The following MDGA2 variants were observed in gnomAD, a reference collection of about 807,000 sequenced individuals.
The protein encoded by MDGA2 is MAM domain-containing glycosylphosphatidylinositol anchor protein 2.
In MDGA2, 40 loss-of-function variants were observed where a neutral mutation model predicts 117.8. The ratio of observed to expected loss-of-function variants is 0.34; its 90% CI spans 0.26 to 0.44. The LOEUF (loss-of-function observed/expected upper bound fraction) is 0.44, where lower values mean the gene tolerates loss of function less well. Among genes scored for constraint, MDGA2 ranks in the 20% least tolerant of loss-of-function variants. The pLI is 1.00. For missense variants in MDGA2, 1,123 were observed against 1,250.6 expected, an observed-to-expected ratio of 0.90 and a Z score of 1.54; for synonymous variants, 452 against 439.0, an observed-to-expected ratio of 1.03 and a Z score of -0.37.
intron 10 of MDGA2, among the ~76,000 whole-genome samples, chr14:46,892,975 AC>A (rs1882939204): frequency 6.6e-6 from 1 of 151,956 alleles, no homozygotes; most frequent in Admixed American, 6.6e-5. Context: ...ACATCGAACT[AC>A]CATATGACCC....
At chr14:47,409,383 G>A (rs1234090978) in intron 1 of MDGA2, among the ~76,000 whole-genome samples, 2 of 152,118 alleles carry the variant, frequency 1.3e-5, no homozygotes, top group African/African-American at 4.8e-5. Context: ...TCTTTTCCTA[G>A]GTAGCCACCA....
At chr14:47,425,756 CAT>C (rs1322056391) in intron 1 of MDGA2, among the ~76,000 whole-genome samples, 1 of 152,008 alleles carries the variant, frequency 6.6e-6, no homozygotes, top group East Asian at 1.9e-4. Context: ...TATATTTTGA[CAT>C]GTTAGACTTT....
At chr14:46,859,857 CTTAT>C (rs1449874649) in intron 14 of MDGA2, among the ~76,000 whole-genome samples, 1 of 151,944 alleles carries the variant, frequency 6.6e-6, no homozygotes, top group Non-Finnish European at 1.5e-5. Context: ...AGTATATAAA[CTTAT>C]TTATATGAAT....
intron 10 of MDGA2, among the ~76,000 whole-genome samples, chr14:46,900,011 T>C (rs967596653): frequency 6.6e-6 from 1 of 152,006 alleles, no homozygotes; most frequent in Non-Finnish European, 1.5e-5. Flanking sequence ...GAAAATACAA[T>C]GGTACAATTT....
At chr14:47,480,416 T>C (rs1432297189) in intron 1 of MDGA2, among the ~76,000 whole-genome samples, 1 of 151,992 alleles carries the variant, frequency 6.6e-6, no homozygotes, top group Non-Finnish European at 1.5e-5. Context: ...CTTAACGATT[T>C]ATCTACAATA....
chr14:47,200,049 G>C (rs769835371), intron 3 of MDGA2, among the ~76,000 whole-genome samples: 22 of 151,914 alleles, frequency 1.4e-4, no homozygotes, highest in Non-Finnish European at 2.9e-4. Flanking sequence ...AACAAAAAGA[G>C]AGCTGTTAAT....
At chr14:47,372,921 G>T (rs1891396266) in intron 1 of MDGA2, among the ~76,000 whole-genome samples, 1 of 151,692 alleles carries the variant, frequency 6.6e-6, no homozygotes, top group South Asian at 2.1e-4. Flanking sequence ...ATCTCTTTTG[G>T]CCTAGAGGAA....
At chr14:47,612,474 AT>A (rs1896869850) in intron 1 of MDGA2, among the ~76,000 whole-genome samples, 1 of 152,172 alleles carries the variant, frequency 6.6e-6, no homozygotes, top group Admixed American at 6.5e-5. Context: ...CTTGAGTCAT[AT>A]AACTTTCTTA....
chr14:47,492,492 A>C (rs1894191693), intron 1 of MDGA2, among the ~76,000 whole-genome samples: 1 of 152,126 alleles, frequency 6.6e-6, no homozygotes, highest in African/African-American at 2.4e-5. Flanking sequence ...ATACATATAG[A>C]TATACATATA....
intron 8 of MDGA2, among the ~76,000 whole-genome samples, chr14:46,985,864 G>C (rs1281308358): frequency 6.6e-6 from 1 of 152,008 alleles, no homozygotes; most frequent in Non-Finnish European, 1.5e-5. Flanking sequence ...TTTTCTTCCT[G>C]CATTAATAAT....
intron 1 of MDGA2, among the ~76,000 whole-genome samples, chr14:47,509,765 A>G (rs760481288): frequency 1.3e-5 from 2 of 152,180 alleles, no homozygotes; most frequent in African/African-American, 2.4e-5. Flanking sequence ...TTGGACAGGA[A>G]ATGTCTATCT....
Position 47,448,426 on chromosome 14 carries a change from T to C in MDGA2, c.281-146876A>G, listed in dbSNP as rs561197754. 4.4e-4 allele frequency among the ~76,000 whole-genome samples: 67 copies of C among 152,126 alleles called. No individual in the cohort carries two copies. In the South Asian group the frequency reaches 4.8e-3, roughly 11 times the overall value. On this transcript the variant is annotated intron_variant, in intron 1 of 16. Coordinates refer to ENST00000399232, the MANE Select transcript of MDGA2 (RefSeq NM_001113498.3). Reference sequence around the variant, plus strand: ...AAGTGCTGGGATTACAGGCGTGAGATACTGTGCCCAGCCCGAAGTCTACTT... The same window carrying C: ...AAGTGCTGGGATTACAGGCGTGAGACACTGTGCCCAGCCCGAAGTCTACTT...
intron 14 of MDGA2, among the ~76,000 whole-genome samples, chr14:46,869,370 G>C (rs1296121056): frequency 4.9e-5 from 3 of 60,626 alleles, no homozygotes; most frequent in South Asian, 4.9e-4. Context: ...TTTTTTTTTT[G>C]CAAGAACATT....
At chr14:47,435,837 T>G (rs1017431561) in intron 1 of MDGA2, among the ~76,000 whole-genome samples, 4 of 152,120 alleles carry the variant, frequency 2.6e-5, no homozygotes, top group Non-Finnish European at 4.4e-5. Flanking sequence ...GCTTCTGGGC[T>G]CAGCTCTCTC....
At chr14:47,596,942 A>G (rs570331420) in intron 1 of MDGA2, among the ~76,000 whole-genome samples, 1 of 152,136 alleles carries the variant, frequency 6.6e-6, no homozygotes, top group Admixed American at 6.6e-5. Context: ...AGATAAGCCC[A>G]TTCTGTAAGA....
intron 8 of MDGA2, among the ~76,000 whole-genome samples, chr14:46,964,982 G>A (rs142657238): frequency 0.039 from 5,193 of 131,784 alleles, 296 homozygotes; most frequent in South Asian, 0.1. Context: ...GGAGTGCAGT[G>A]GCACGATCTC....
chr14:47,624,465 TAAAC>T (rs1246156497), intron 1 of MDGA2, among the ~76,000 whole-genome samples: 6 of 152,014 alleles, frequency 3.9e-5, no homozygotes, highest in African/African-American at 7.2e-5. Flanking sequence ...CTCAAATAAG[TAAAC>T]AAACAAACAA....
intron 2 of MDGA2, among the ~76,000 whole-genome samples, chr14:47,264,338 T>A (rs1887894912): frequency 6.6e-6 from 1 of 152,152 alleles, no homozygotes; most frequent in Non-Finnish European, 1.5e-5. Flanking sequence ...AATTCATAAT[T>A]ATTTGCTCCA....
At chr14:47,077,278 T>C (rs78918116) in intron 6 of MDGA2, among the ~76,000 whole-genome samples, 1 of 152,108 alleles carries the variant, frequency 6.6e-6, no homozygotes, top group Admixed American at 6.5e-5. Flanking sequence ...TTTCTTTGCT[T>C]GTAACTATCA....
Sources: gnomAD v4.1 joint callset for allele counts (sites outside exome capture counted in the v4.1 genomes callset) on GRCh38, gnomAD v4.1.1 for gene constraint, MANE v1.5 for transcripts, NCBI Gene and HGNC (gene_info 2026-07-23, HGNC 2026-07-21) for gene names.